The following SLC47A2 variants were observed in gnomAD, a reference collection of about 807,000 sequenced individuals.
SLC47A2 encodes solute carrier family 47 member 2.
In SLC47A2, 52 loss-of-function variants were observed where a neutral mutation model predicts 67.7. That is an observed-to-expected ratio of 0.77 (90% confidence interval 0.61 to 0.97). The LOEUF is 0.97. Among genes scored for constraint, SLC47A2 ranks in the 50% least tolerant of loss-of-function variants. The pLI, the probability that SLC47A2 is intolerant of heterozygous loss-of-function variation, is 0.00. For synonymous variants in SLC47A2, 278 were observed against 292.9 expected (o/e 0.95, Z 0.52); for missense variants, 676 against 712.3 (o/e 0.95, Z 0.58).
intron 11 of SLC47A2, 98 bp downstream of exon 11, chr17:19,703,972 C>T (rs1430702637): frequency 1.1e-6 from 1 of 913,268 alleles, no homozygotes; most frequent in Non-Finnish European, 1.6e-6. Context: ...TGGCAGCTCC[C>T]GAGGCCAGCC....
chr17:19,708,487 C>A (rs746608769), intron 6 of SLC47A2, 88 bp from the exon 7 acceptor site: 31 of 1,613,964 alleles, frequency 1.9e-5, no homozygotes, highest in Non-Finnish European at 2.5e-5. Flanking sequence ...GGGACTCCTC[C>A]TCCTGCCCCT....
At chr17:19,704,650 T>C in intron 10 of SLC47A2, 2 of 1,548,950 alleles carry the variant, frequency 1.3e-6, no homozygotes, top group Non-Finnish European at 1.7e-6. Context: ...TGCAGATGCG[T>C]ACCCGAGTGA....
intron 13 of SLC47A2, among the ~76,000 whole-genome samples, chr17:19,692,668 C>T (rs1044621068): frequency 6.6e-6 from 1 of 152,186 alleles, no homozygotes; most frequent in Admixed American, 6.5e-5. Context: ...GGAGAGAATA[C>T]TTCCAAACTC....
intron 5 of SLC47A2, among the ~76,000 whole-genome samples, chr17:19,711,989 A>G (rs12936427): frequency 6.6e-6 from 1 of 152,324 alleles, no homozygotes; most frequent in Admixed American, 6.5e-5. Context: ...GACTAATGAC[A>G]TATTTTAAAG....
At chr17:19,692,323 T>A (rs1166147195) in intron 13 of SLC47A2, 1 of 428,940 alleles carries the variant, frequency 2.3e-6, no homozygotes, top group Non-Finnish European at 4.6e-6. Context: ...ACAAAGAGAG[T>A]TAGACATAGA....
intron 15 of SLC47A2, among the ~76,000 whole-genome samples, chr17:19,681,020 T>C (rs1349218325): frequency 6.6e-6 from 1 of 152,066 alleles, no homozygotes; most frequent in East Asian, 1.9e-4. Flanking sequence ...GAGACCATCC[T>C]GGCTAACACG....
intron 13 of SLC47A2, among the ~76,000 whole-genome samples, chr17:19,694,408 G>A (rs138543723): frequency 8.4e-4 from 128 of 152,262 alleles, no homozygotes; most frequent in African/African-American, 3.0e-3. Context: ...TGTCACAATG[G>A]CATAGCATAG....
intron 13 of SLC47A2, among the ~76,000 whole-genome samples, chr17:19,684,933 T>C (rs2085392787): frequency 6.6e-6 from 1 of 152,130 alleles, no homozygotes; most frequent in South Asian, 2.1e-4. Flanking sequence ...GCAACCTCCC[T>C]GCCTCAGGCT....
At chr17:19,713,365 GC>G (rs1403021600) in intron 4 of SLC47A2, among the ~76,000 whole-genome samples, 2 of 151,702 alleles carry the variant, frequency 1.3e-5, no homozygotes, top group Non-Finnish European at 2.9e-5. Flanking sequence ...TCCAGCCTGG[GC>G]GACAGAGCGA....
Position 19,708,390 on chromosome 17 carries a change from A to G in SLC47A2, c.541T>C (p.Trp181Arg). The change falls in exon 7 of 17, where the codon TGG (tryptophan) becomes CGG (arginine). Residue 181 changes from tryptophan (W) to arginine (R), a missense_variant. Transcript: ENST00000433844. The stretch of plus-strand genomic sequence containing the variant: ...ACCACACCACTGAGGACTTGGGGCC[A>G]GGTGATCTTCTGAAATAAATGAAAA... Reference protein sequence around the residue: ...AKYLQNQKITWPQVLSGVVGN... With the variant: ...AKYLQNQKITRPQVLSGVVGN... 6.2e-7 allele frequency: 1 copy of G among 1,614,134 alleles called. No homozygotes were observed. The highest frequency in any genetic ancestry group is 8.5e-7 in the Non-Finnish European group (1 of 1,180,034).
intron 10 of SLC47A2, chr17:19,704,793 G>A: frequency 6.8e-6 from 6 of 883,372 alleles, no homozygotes; most frequent in South Asian, 1.9e-5. Context: ...CAGTGTGCAG[G>A]AATGTGGCCT....
At chr17:19,714,620 GA>G in intron 3 of SLC47A2, 100 bp downstream of exon 3, 6 of 1,411,256 alleles carry the variant, frequency 4.3e-6, no homozygotes, top group Non-Finnish European at 3.0e-6. Flanking sequence ...ATTGCTCCCA[GA>G]TCACCTGGCT....
In SLC47A2 at chr17:19,685,004, C is replaced by T. The variant is rs558440077; in HGVS notation, c.1165-3334G>A. On this transcript the variant is annotated intron_variant, in intron 13 of 16. Coordinates refer to ENST00000433844, the MANE Select transcript of SLC47A2 (RefSeq NM_001099646.3). This position sits in a 1 kb window ranked among gnomAD's most constrained non-coding sequence, Gnocchi z 4.5. Reference sequence around the variant, plus strand: ...GGGATTCCAGGCACGCGCTGCCACTCCTGACTGGTTTTTGTATTTTTGGTG... The same window carrying T: ...GGGATTCCAGGCACGCGCTGCCACTTCTGACTGGTTTTTGTATTTTTGGTG... Among the ~76,000 whole-genome samples, 1 of 152,268 alleles carries T rather than the reference C, an allele frequency of 6.6e-6. No homozygotes were observed. Among genetic ancestry groups the T allele is most frequent in the East Asian group, 1.9e-4 (1 of 5,160 alleles).
intron 15 of SLC47A2, among the ~76,000 whole-genome samples, chr17:19,680,507 T>C (rs2085290169): frequency 6.6e-6 from 1 of 152,152 alleles, no homozygotes; most frequent in South Asian, 2.1e-4. Context: ...ATTTTAAATA[T>C]CTGTTTATCC....
At position 19,716,236 on chromosome 17, in the gene SLC47A2, C is replaced by T. The variant is rs766292442; in HGVS notation, c.123+197G>A. ...CTGCCTGCTGCTGAGCAAAGTCAGG[C>T]CCCACTGCCACTGGGGATTGTCCAG... is the stretch of plus-strand genomic sequence containing the variant. On this transcript the variant is annotated intron_variant, in intron 1 of 16. Coordinates refer to ENST00000433844, the MANE Select transcript of SLC47A2 (RefSeq NM_001099646.3). 345 of 838,130 alleles carry T rather than the reference C, an allele frequency of 4.1e-4. 1 individual carries two copies. Among genetic ancestry groups the T allele is most frequent in the Non-Finnish European group, 5.9e-4 (331 of 565,300 alleles). 51.9% of individuals were successfully genotyped at this position (838,130 alleles called of 1,614,324 possible).
chr17:19,692,727 C>CA (rs2085569169), intron 13 of SLC47A2, among the ~76,000 whole-genome samples: 1 of 152,048 alleles, frequency 6.6e-6, no homozygotes, highest in African/African-American at 2.4e-5. Flanking sequence ...ATCAAGATAA[C>CA]AAAAAATAAA....
rs566282323 is a variant in SLC47A2, at chr17:19,689,555, G to A, written c.1165-7885C>T. On this transcript the variant is annotated intron_variant, in intron 13 of 16. Coordinates refer to ENST00000433844, the MANE Select transcript of SLC47A2 (RefSeq NM_001099646.3). The stretch of plus-strand genomic sequence containing the variant: ...CCACAAAAAATACAAAAATTATCTG[G>A]GTGTGGTGACATGCACCCATGGTCC... Among the ~76,000 whole-genome samples the A allele has an allele frequency of 5.7e-4, 86 of 151,990 alleles. 1 individual carries two copies. Among genetic ancestry groups the A allele is most frequent in the African/African-American group, 2.0e-3 (84 of 41,426 alleles).
Position 19,679,888 on chromosome 17 carries a change from CAA to C in SLC47A2, c.1480+62_1480+63del, listed in dbSNP as rs879080706. ...AATTGCATGAGGCACAGAGGGCAGA[CAA>C]GAGCAACATGCCACTGACATTTATA... On this transcript the variant is annotated intron_variant, in intron 16 of 16. Transcript: ENST00000433844. The C allele has an allele frequency of 2.0e-4, 309 of 1,517,914 alleles. 1 individual carries two copies. The Middle Eastern group carries it at 2.6e-3, about 13-fold the overall frequency. 94.0% of individuals were successfully genotyped at this position (1,517,914 alleles called of 1,614,324 possible).
chr17:19,702,813 T>A, intron 12 of SLC47A2, 139 bp from the exon 13 acceptor site: 1 of 1,017,578 alleles, frequency 9.8e-7, no homozygotes, highest in South Asian at 1.5e-5. Context: ...TAACTGGCAC[T>A]GCTAGCCCAG....
Sources: gnomAD v4.1 joint callset for allele counts (sites outside exome capture counted in the v4.1 genomes callset) on GRCh38, gnomAD v4.1.1 for gene constraint, Gnocchi (gnomAD v3.1) non-coding constraint, MANE v1.5 for transcripts, NCBI Gene and HGNC (gene_info 2026-07-23, HGNC 2026-07-21) for gene names.